SPAG9: variants seen among roughly 807,000 people sequenced by gnomAD.
SPAG9 encodes sperm associated antigen 9.
SPAG9 carries 35 observed loss-of-function variants against 166.5 expected under a neutral mutation model. The ratio of observed to expected loss-of-function variants is 0.21; its 90% CI spans 0.16 to 0.28. SPAG9 has a LOEUF of 0.28. Ranked by LOEUF, SPAG9 falls within the 10% of genes least tolerant of loss-of-function variation. The pLI is 1.00. For synonymous variants in SPAG9, 534 were observed against 565.5 expected (o/e 0.94, Z 0.79); for missense variants, 1,235 against 1,603.3 (o/e 0.77, Z 3.92).
At chr17:51,026,320 GAAAAAA>G (rs55851511) in intron 6 of SPAG9, among the ~76,000 whole-genome samples, 1 of 89,370 alleles carries the variant, frequency 1.1e-5, no homozygotes, top group East Asian at 3.9e-4. Flanking sequence ...GGTGAAAAGA[GAAAAAA>G]AAAAAAAAAA....
At chr17:51,019,194 C>T (rs2045828520) in intron 8 of SPAG9, among the ~76,000 whole-genome samples, 1 of 152,222 alleles carries the variant, frequency 6.6e-6, no homozygotes, top group South Asian at 2.1e-4. Context: ...CCTCACCAGA[C>T]ACCTGACCCT....
Position 50,966,215 on chromosome 17 carries a change from G to A in SPAG9, c.*57C>T, listed in dbSNP as rs952534486. The A allele has an allele frequency of 2.9e-6, 3 of 1,025,442 alleles. No homozygotes were observed. The highest frequency in any genetic ancestry group is 4.7e-6 in the Non-Finnish European group (3 of 644,208). 63.5% of individuals were successfully genotyped at this position (1,025,442 alleles called of 1,614,324 possible). A position where few individuals can be genotyped will look rare whatever the true frequency, so the allele number is the denominator to read the frequency against. ...AAGAGCATTAAATAAAAGGATAGAGGGAAAATAAACCATGCAGAAGAGACG... is the reference window on the plus strand; with the variant it reads ...AAGAGCATTAAATAAAAGGATAGAGAGAAAATAAACCATGCAGAAGAGACG... On this transcript the variant is annotated 3_prime_UTR_variant, in exon 30 of 30. Transcript: ENST00000262013.
intron 1 of SPAG9, among the ~76,000 whole-genome samples, chr17:51,089,574 T>C (rs369015979): frequency 2.8e-5 from 4 of 143,528 alleles, no homozygotes; most frequent in African/African-American, 7.6e-5. Context: ...AATTATAATA[T>C]ATATGTGTAT....
intron 1 of SPAG9, among the ~76,000 whole-genome samples, chr17:51,116,905 A>C (rs563448414): frequency 6.6e-6 from 1 of 152,344 alleles, no homozygotes; most frequent in East Asian, 1.9e-4. Flanking sequence ...CTAGCTATGT[A>C]AAATTCTAAG....
chr17:50,966,114 T>C lies in SPAG9; in HGVS notation c.*158A>G, dbSNP rs890994761. ...CACAGCTAGTTCCTCTGTATTGTTA[T>C]GGTAGAACGGATTTTGTAATATAAA... is the stretch of plus-strand genomic sequence containing the variant. On this transcript the variant is annotated 3_prime_UTR_variant, in exon 30 of 30. Coordinates refer to ENST00000262013, the MANE Select transcript of SPAG9 (RefSeq NM_001130528.3). 6.1e-5 allele frequency: 39 copies of C among 634,230 alleles called. No individual in the cohort carries two copies. Among genetic ancestry groups the C allele is most frequent in the South Asian group, 2.2e-4 (12 of 55,736 alleles). The allele number at this position is 634,230 out of a possible 1,614,324, so 39.3% of individuals were successfully genotyped here.
chr17:51,023,824 C>T (rs1464510732), intron 6 of SPAG9, among the ~76,000 whole-genome samples: 2 of 152,064 alleles, frequency 1.3e-5, no homozygotes, highest in East Asian at 1.9e-4. Flanking sequence ...GTCACCATGC[C>T]CCACTAATTT....
At chr17:51,110,836 T>C (rs937123899) in intron 1 of SPAG9, among the ~76,000 whole-genome samples, 2 of 150,486 alleles carry the variant, frequency 1.3e-5, no homozygotes, top group Non-Finnish European at 3.0e-5. Flanking sequence ...TAAAACACAG[T>C]ATGGCCGGGT....
chr17:51,021,279 A>G lies in SPAG9; in HGVS notation c.870T>C (p.Thr290=). 1 of 1,614,130 alleles carries G rather than the reference A, an allele frequency of 6.2e-7. No individual in the cohort carries two copies. The part of the protein sequence containing the change: ...TANSDVATIP[T]DTPLKEENEG... The stretch of plus-strand genomic sequence containing the variant: ...CGTTTTCTTCCTTTAAGGGAGTATC[A>G]GTAGGAATTGTTGCCACATCTGAAT... Residue 290 remains threonine (T), a synonymous_variant, in exon 7 of 30, where the codon ACT becomes ACC. Coordinates refer to ENST00000262013, the MANE Select transcript of SPAG9 (RefSeq NM_001130528.3).
chr17:50,987,118 T>C lies in SPAG9; in HGVS notation c.2933A>G (p.Asn978Ser). 6.2e-7 allele frequency: 1 copy of C among 1,607,686 alleles called. No individual in the cohort carries two copies. The highest frequency in any genetic ancestry group is 8.5e-7 in the Non-Finnish European group (1 of 1,178,140). The stretch of plus-strand genomic sequence containing the variant: ...TAAAAGCATTGACACCTACCAGCCA[T>C]TTTGAGCTCCAAGCCACATAGTTGG... The part of the protein sequence containing the change: ...LLPTMWLGAQ[N>S]GCLYVHSSVA... Residue 978 changes from asparagine to serine, a missense_variant, in exon 22 of 30, where the codon AAT becomes AGT. By Grantham distance (46) the Asn-to-Ser change is conservative. Around this residue, in one of 6 missense-constraint regions of SPAG9, gnomAD observed 493 missense variants for 559.4 expected, o/e 0.88. Coordinates refer to ENST00000262013, the MANE Select transcript of SPAG9 (RefSeq NM_001130528.3).
intron 19 of SPAG9, among the ~76,000 whole-genome samples, chr17:50,993,193 G>A (rs1453017762): frequency 1.3e-5 from 2 of 151,212 alleles, no homozygotes; most frequent in East Asian, 1.9e-4. Context: ...GCAGGTGCCT[G>A]TAATTCCAGC....
intron 3 of SPAG9, among the ~76,000 whole-genome samples, chr17:51,053,254 G>A (rs940888787): frequency 6.6e-6 from 1 of 151,520 alleles, no homozygotes; most frequent in African/African-American, 2.4e-5. Flanking sequence ...AATGGATACA[G>A]TGGCTCACAC....
chr17:51,088,701 G>A (rs1219723767), intron 1 of SPAG9, among the ~76,000 whole-genome samples: 4 of 152,148 alleles, frequency 2.6e-5, no homozygotes, highest in South Asian at 2.1e-4. Context: ...AGGAGGCTGA[G>A]GTAGGAGAAT....
chr17:51,040,396 G>GA (rs1230872996), intron 5 of SPAG9: 2 of 152,156 alleles, frequency 1.3e-5, no homozygotes, highest in Admixed American at 6.5e-5. Context: ...TTCAGTGGGA[G>GA]AAAAGCTATC....
At chr17:51,069,051 T>TA (rs1426450447) in intron 2 of SPAG9, among the ~76,000 whole-genome samples, 1 of 152,096 alleles carries the variant, frequency 6.6e-6, no homozygotes, top group East Asian at 1.9e-4. Context: ...ATTAAATATA[T>TA]AGATATTCTT....
intron 3 of SPAG9, among the ~76,000 whole-genome samples, chr17:51,053,855 G>GTATATATATATATATATA (rs1161592026): frequency 1.6e-4 from 6 of 37,750 alleles, no homozygotes; most frequent in Non-Finnish European, 2.2e-4. Flanking sequence ...AAAAAAAAAA[G>GTATATATATATATATATA]TATATATATA....
chr17:51,001,870 T>A (rs1341021510), intron 12 of SPAG9, 25 bp from the exon 13 acceptor site: 1 of 1,605,398 alleles, frequency 6.2e-7, no homozygotes, highest in Non-Finnish European at 8.5e-7. Flanking sequence ...AAATGACATA[T>A]CATTCTGGAA....
At chr17:51,090,943 C>T (rs565279208) in intron 1 of SPAG9, among the ~76,000 whole-genome samples, 4 of 152,220 alleles carry the variant, frequency 2.6e-5, no homozygotes, top group African/African-American at 9.6e-5. Context: ...AATGTAACCA[C>T]ACTGAAATTA....
chr17:50,995,014 C>CA, intron 18 of SPAG9, 43 bp downstream of exon 18: 1 of 1,507,568 alleles, frequency 6.6e-7, no homozygotes, highest in Non-Finnish European at 9.0e-7. Context: ...GAGTTAAACT[C>CA]ATAGTCTCAT....
intron 9 of SPAG9, among the ~76,000 whole-genome samples, chr17:51,010,827 T>C (rs1245699807): frequency 6.6e-6 from 1 of 152,002 alleles, no homozygotes; most frequent in Non-Finnish European, 1.5e-5. Flanking sequence ...GTGTCTAGCA[T>C]GCAATTAGGA....
Sources: allele counts gnomAD v4.1 joint callset (sites outside exome capture counted in the v4.1 genomes callset), GRCh38; gene constraint gnomAD v4.1.1; regional missense constraint gnomAD v4.1.1; transcripts MANE v1.5; gene names NCBI Gene and HGNC (gene_info 2026-07-23, HGNC 2026-07-21).